LHFPL5: variants seen among roughly 807,000 people sequenced by gnomAD.
The protein encoded by LHFPL5 is LHFPL tetraspan subfamily member 5 protein.
A neutral mutation model predicts 18.7 loss-of-function variants in LHFPL5; 12 were observed. The ratio of observed to expected loss-of-function variants is 0.64; its 90% CI spans 0.41 to 1.04. The LOEUF (loss-of-function observed/expected upper bound fraction) is 1.04, where lower values mean the gene tolerates loss of function less well. Among genes scored for constraint, LHFPL5 ranks in the 50% least tolerant of loss-of-function variants. The pLI, the probability that LHFPL5 is intolerant of heterozygous loss-of-function variation, is 0.00. For synonymous variants in LHFPL5, 111 were observed against 120.2 expected (o/e 0.92, Z 0.50); for missense variants, 259 against 292.1 (o/e 0.89, Z 0.83).
At chr6:35,818,219 CAA>C (rs921055301) in intron 2 of LHFPL5, among the ~76,000 whole-genome samples, 3 of 151,024 alleles carry the variant, frequency 2.0e-5, no homozygotes, top group South Asian at 2.1e-4. Flanking sequence ...GGAGGGGAAA[CAA>C]GAGTGATTGC....
At position 35,823,073 on chromosome 6, in the gene LHFPL5, A is replaced by G. The variant is rs999869659; in HGVS notation, c.*108A>G. 1 of 152,156 alleles carries G rather than the reference A, an allele frequency of 6.6e-6. No individual in the cohort carries two copies. Among genetic ancestry groups the G allele is most frequent in the African/African-American group, 2.4e-5 (1 of 41,432 alleles). The allele number at this position is 152,156 out of a possible 1,614,324, so 9.4% of individuals were successfully genotyped here. A position where few individuals can be genotyped will look rare whatever the true frequency, so the allele number is the denominator to read the frequency against. On this transcript the variant is annotated 3_prime_UTR_variant, in exon 4 of 4. Transcript: ENST00000360215. ...CCAAGTTTCCTTGTTCCTGGCTACTATAGGCCTGAAGCCTGAAGCCTTTTA... is the reference window on the plus strand; with the variant it reads ...CCAAGTTTCCTTGTTCCTGGCTACTGTAGGCCTGAAGCCTGAAGCCTTTTA...
At chr6:35,808,351 T>G (rs976783372) in intron 1 of LHFPL5, among the ~76,000 whole-genome samples, 1 of 145,266 alleles carries the variant, frequency 6.9e-6, no homozygotes, top group African/African-American at 2.5e-5. Flanking sequence ...TATATATAAA[T>G]AAAAATAATA....
rs67478220 is a variant in LHFPL5, at chr6:35,805,372, AAG to A, written c.-296_-295del. 0.097 allele frequency: 37,602 copies of A among 386,428 alleles called. 4,190 individuals are homozygous for A. Among genetic ancestry groups the A allele is most frequent in the African/African-American group, 0.37 (18,036 of 48,942 alleles). The allele number at this position is 386,428 out of a possible 1,614,324, so 23.9% of individuals were successfully genotyped here. A position where few individuals can be genotyped will look rare whatever the true frequency, so the allele number is the denominator to read the frequency against. Reference sequence around the variant, plus strand: ...GGGCTCTCGGGAGCCGTGAGCCGGGAAGAGGGAGACGGGCAGGGCGGCGCCAG... The same window carrying A: ...GGGCTCTCGGGAGCCGTGAGCCGGGAAGGGAGACGGGCAGGGCGGCGCCAG... On this transcript the variant is annotated 5_prime_UTR_variant, in exon 1 of 4. Coordinates refer to ENST00000360215, the MANE Select transcript of LHFPL5 (RefSeq NM_182548.4). The surrounding 1 kb of genome is among the most constrained non-coding windows in gnomAD (Gnocchi z 4.3).
chr6:35,815,199 T>C (rs1317032094), intron 2 of LHFPL5, among the ~76,000 whole-genome samples: 1 of 151,904 alleles, frequency 6.6e-6, no homozygotes, highest in Non-Finnish European at 1.5e-5. Context: ...CCAATGAGGG[T>C]GCAGAAGTGA....
chr6:35,812,813 G>T (rs1768687683), intron 1 of LHFPL5, among the ~76,000 whole-genome samples: 1 of 152,174 alleles, frequency 6.6e-6, no homozygotes, highest in African/African-American at 2.4e-5. Flanking sequence ...CCAGCACTTT[G>T]GGAGGCCAAG....
chr6:35,816,164 C>T (rs1271125707), intron 2 of LHFPL5, among the ~76,000 whole-genome samples: 1 of 129,740 alleles, frequency 7.7e-6, no homozygotes, highest in Non-Finnish European at 1.6e-5. Context: ...GGTGACAGAG[C>T]GAGACTCCGT....
intron 2 of LHFPL5, 113 bp from the exon 3 acceptor site, chr6:35,819,324 C>A: frequency 2.0e-6 from 2 of 1,005,404 alleles, no homozygotes; most frequent in Non-Finnish European, 3.2e-6. Flanking sequence ...AAAGTGCAAG[C>A]TTTCTTGAGA....
chr6:35,820,721 A>G (rs1768849526), intron 3 of LHFPL5, among the ~76,000 whole-genome samples: 1 of 150,558 alleles, frequency 6.6e-6, no homozygotes, highest in African/African-American at 2.5e-5. Flanking sequence ...ATAAATAAAT[A>G]AAATAGAATA....
At chr6:35,816,352 A>AAAAAAAAAAG (rs1252650001) in intron 2 of LHFPL5, among the ~76,000 whole-genome samples, 4 of 150,934 alleles carry the variant, frequency 2.7e-5, no homozygotes, top group Non-Finnish European at 5.9e-5. Context: ...TCTCAAAAAA[A>AAAAAAAAAAG]AAAAAAAAAG....
At chr6:35,808,158 A>C (rs557525318) in intron 1 of LHFPL5, among the ~76,000 whole-genome samples, 122 of 151,970 alleles carry the variant, frequency 8.0e-4, no homozygotes, top group Non-Finnish European at 1.4e-3. Flanking sequence ...CCATGTCAAG[A>C]ATGATGGTGG....
chr6:35,821,857 ATTTTTTTTTTTTTTT>A (rs763639486), intron 3 of LHFPL5, among the ~76,000 whole-genome samples: 2,362 of 39,410 alleles, frequency 0.06, 134 homozygotes, highest in African/African-American at 0.18. Context: ...GTGTACCACA[ATTTTTTTTTTTTTTT>A]TTTTTTTTTT....
intron 2 of LHFPL5, among the ~76,000 whole-genome samples, chr6:35,816,127 C>T (rs1411852208): frequency 6.7e-6 from 1 of 149,014 alleles, no homozygotes; most frequent in African/African-American, 2.5e-5. Flanking sequence ...GCCGAGATTG[C>T]GCCACTGCAG....
intron 1 of LHFPL5, among the ~76,000 whole-genome samples, chr6:35,812,573 TAAGTC>T (rs1264183637): frequency 6.6e-6 from 1 of 152,166 alleles, no homozygotes; most frequent in Non-Finnish European, 1.5e-5. Flanking sequence ...CTGTAAATAA[TAAGTC>T]AAGTAAGGCA....
At chr6:35,819,901 T>C in intron 3 of LHFPL5, 1 of 220,824 alleles carries the variant, frequency 4.5e-6, no homozygotes, top group African/African-American at 2.3e-5. Context: ...ATGGTCTCCA[T>C]CTCCTGACCT....
rs1200314877 is a variant in LHFPL5 at position 35,823,370 on chromosome 6, T to TACACACACACACACACAC, written c.*416_*417insCACACACACACACACACA. On this transcript the variant is annotated 3_prime_UTR_variant, in exon 4 of 4. Coordinates refer to ENST00000360215, the MANE Select transcript of LHFPL5 (RefSeq NM_182548.4). ...CCTCCCAGGTCTGTGTCTGATAGCATACACACACACATATATATACACACA... is the reference window on the plus strand; with the variant it reads ...CCTCCCAGGTCTGTGTCTGATAGCATACACACACACACACACACACACACACACATATATATACACACA... 7.8e-6 allele frequency: 1 copy of TACACACACACACACACAC among 127,898 alleles called. No homozygotes were observed. The highest frequency in any genetic ancestry group is 3.0e-5 in the African/African-American group (1 of 32,930). The allele number at this position is 127,898 out of a possible 1,614,324, so 7.9% of individuals were successfully genotyped here. A position where few individuals can be genotyped will look rare whatever the true frequency, so the allele number is the denominator to read the frequency against.
intron 1 of LHFPL5, among the ~76,000 whole-genome samples, chr6:35,807,794 G>T (rs1223882154): frequency 1.3e-5 from 2 of 152,172 alleles, no homozygotes; most frequent in Non-Finnish European, 2.9e-5. Flanking sequence ...GCGGGCAACT[G>T]AGGACCAAGG....
chr6:35,823,428 C>CAT lies in LHFPL5; in HGVS notation c.*465_*466dup, dbSNP rs1345815951. ...ACACACACACACACACACACACATACATACACACACACATATATATACACA... is the reference window on the plus strand; with the variant it reads ...ACACACACACACACACACACACATACATATACACACACACATATATATACACA... On this transcript the variant is annotated 3_prime_UTR_variant, in exon 4 of 4. Coordinates refer to ENST00000360215, the MANE Select transcript of LHFPL5 (RefSeq NM_182548.4). 19 of 134,410 alleles carry CAT rather than the reference C, an allele frequency of 1.4e-4. No homozygotes were observed. The highest frequency in any genetic ancestry group is 5.7e-4 in the African/African-American group (19 of 33,252). 8.3% of individuals were successfully genotyped at this position (134,410 alleles called of 1,614,324 possible).
intron 3 of LHFPL5, among the ~76,000 whole-genome samples, chr6:35,821,068 C>T (rs1409051323): frequency 2.6e-5 from 4 of 152,136 alleles, no homozygotes; most frequent in Admixed American, 2.6e-4. Context: ...CTTTGGGAGA[C>T]TGAGGCAGGC....
At chr6:35,807,079 C>T (rs867433224) in intron 1 of LHFPL5, among the ~76,000 whole-genome samples, 1 of 152,088 alleles carries the variant, frequency 6.6e-6, no homozygotes, top group Admixed American at 6.6e-5. Flanking sequence ...TTGCCTGCCT[C>T]AGTCTCCCAA....
Sources: gnomAD v4.1 joint callset for allele counts (sites outside exome capture counted in the v4.1 genomes callset) on GRCh38, gnomAD v4.1.1 for gene constraint, Gnocchi (gnomAD v3.1) non-coding constraint, MANE v1.5 for transcripts, NCBI Gene and HGNC (gene_info 2026-07-23, HGNC 2026-07-21) for gene names.